KCTD9: variants seen among roughly 807,000 people sequenced by gnomAD.
KCTD9 encodes BTB/POZ domain-containing protein KCTD9.
A neutral mutation model predicts 53.3 loss-of-function variants in KCTD9; 17 were observed. The observed-to-expected ratio is 0.32, with a 90% CI of 0.22 to 0.48. The LOEUF is 0.48. Ranked by LOEUF, KCTD9 falls within the 20% of genes least tolerant of loss-of-function variation. The pLI, the probability that KCTD9 is intolerant of heterozygous loss-of-function variation, is 0.99. For synonymous variants in KCTD9, 128 were observed against 162.7 expected (o/e 0.79, Z 1.62); for missense variants, 179 against 465.5 (o/e 0.38, Z 5.66).
Position 25,444,243 on chromosome 8 carries a change from C to CTTTTTT in KCTD9, c.214+43_214+48dup, listed in dbSNP as rs57257880. On this transcript the variant is annotated intron_variant, in intron 3 of 11. Transcript: ENST00000221200. Reference sequence around the variant, plus strand: ...CCATTTAAAATAATTGTCATTCCATCTTTTTTTTTTTTTTTTGGCAGATAA... The same window carrying CTTTTTT: ...CCATTTAAAATAATTGTCATTCCATCTTTTTTTTTTTTTTTTTTTTTTGGCAGATAA... 166 of 964,214 alleles carry CTTTTTT rather than the reference C, an allele frequency of 1.7e-4. 1 individual carries two copies. The highest frequency in any genetic ancestry group is 5.7e-4 in the South Asian group (34 of 59,198). The allele number at this position is 964,214 out of a possible 1,614,324, so 59.7% of individuals were successfully genotyped here.
At chr8:25,435,554 CT>C in intron 8 of KCTD9, 42 bp from the exon 9 acceptor site, 1 of 1,545,266 alleles carries the variant, frequency 6.5e-7, no homozygotes, top group Non-Finnish European at 8.7e-7. Flanking sequence ...ACTAAATCGT[CT>C]GTTTGTATTA....
At chr8:25,443,746 A>G (rs1420687710) in intron 3 of KCTD9, among the ~76,000 whole-genome samples, 1 of 152,182 alleles carries the variant, frequency 6.6e-6, no homozygotes, top group East Asian at 1.9e-4. Context: ...GACTGTATGG[A>G]TCTAAATAAA....
chr8:25,451,997 T>C (rs1172032757), intron 1 of KCTD9, among the ~76,000 whole-genome samples: 3 of 152,148 alleles, frequency 2.0e-5, no homozygotes, highest in Non-Finnish European at 4.4e-5. Flanking sequence ...AAAAAATTAA[T>C]TTGCAAAAAG....
intron 6 of KCTD9, among the ~76,000 whole-genome samples, chr8:25,436,896 A>G (rs1802027684): frequency 6.6e-6 from 1 of 152,214 alleles, no homozygotes; most frequent in African/African-American, 2.4e-5. Context: ...GGGTTCCATT[A>G]TCTTTCAAAT....
intron 6 of KCTD9, 98 bp from the exon 7 acceptor site, chr8:25,436,583 C>T: frequency 4.2e-6 from 3 of 711,276 alleles, no homozygotes; most frequent in Non-Finnish European, 6.8e-6. Context: ...ATAATCTTAA[C>T]ATTTAATTGC....
rs1273761222 is a variant in KCTD9, at chr8:25,439,354, G to A, written c.424C>T (p.Pro142Ser). ...TTCAAAATGGGTTCGAAGTACTCAG[G>A]ACTTCGGTCAATTAAGAAAGCTCCT... ...HRGAFLIDRS[P>S]EYFEPILNYL... Residue 142 changes from proline (P) to serine (S), a missense_variant, in exon 6 of 12, where the codon CCT becomes TCT. This residue lies in a region of KCTD9 where 115 missense variants were observed against 250.9 expected (regional missense o/e 0.46). Coordinates refer to ENST00000221200, the MANE Select transcript of KCTD9 (RefSeq NM_017634.4). 1 of 1,612,762 alleles carries A rather than the reference G, an allele frequency of 6.2e-7. No homozygotes were observed. The highest frequency in any genetic ancestry group is 1.3e-5 in the African/African-American group (1 of 74,856).
At chr8:25,441,586 T>C (rs1802123257) in intron 3 of KCTD9, among the ~76,000 whole-genome samples, 1 of 151,632 alleles carries the variant, frequency 6.6e-6, no homozygotes, top group Admixed American at 6.6e-5. Context: ...CCAAGAGAAT[T>C]AGAAATAAAA....
rs775590502 is a variant in KCTD9 at position 25,458,253 on chromosome 8, G to A, written c.-7C>T. 3.0e-5 allele frequency: 49 copies of A among 1,608,612 alleles called. No individual in the cohort carries two copies. The highest frequency in any genetic ancestry group is 4.0e-5 in the African/African-American group (3 of 74,276). On this transcript the variant is annotated 5_prime_UTR_variant, in exon 1 of 12. Transcript: ENST00000221200. ...ACAGGGTCACCCGCCTCATCGCGCT[G>A]CCCCCGCTGGGTCCTGAGTGAGCCG...
intron 9 of KCTD9, 148 bp downstream of exon 9, chr8:25,435,215 C>A: frequency 3.9e-6 from 2 of 509,478 alleles, no homozygotes; most frequent in Non-Finnish European, 6.5e-6. Flanking sequence ...ACTTTCAGAC[C>A]TTTAGTCTTA....
intron 4 of KCTD9, chr8:25,439,877 T>A: frequency 2.1e-6 from 2 of 972,518 alleles, no homozygotes; most frequent in South Asian, 4.7e-5. Flanking sequence ...ATTGTTTTAG[T>A]TTCCTTTGCT....
At position 25,440,562 on chromosome 8, in the gene KCTD9, TACAC is replaced by T; in HGVS notation, c.311+11_311+14del. 6.5e-7 allele frequency: 1 copy of T among 1,530,576 alleles called. No homozygotes were observed. Among genetic ancestry groups the T allele is most frequent in the Non-Finnish European group, 9.1e-7 (1 of 1,104,706 alleles). The allele number at this position is 1,530,576 out of a possible 1,614,324, so 94.8% of individuals were successfully genotyped here. On this transcript the variant is annotated intron_variant, in intron 4 of 11. Transcript: ENST00000221200. ...TTTTGCATTCTCTTTCTAACACACA[TACAC>T]ACACACCTACCGTGTAGTTGTAAAG...
At chr8:25,454,660 A>C (rs990730741) in intron 1 of KCTD9, among the ~76,000 whole-genome samples, 3 of 152,158 alleles carry the variant, frequency 2.0e-5, no homozygotes, top group Admixed American at 1.3e-4. Flanking sequence ...AACAAAAAAA[A>C]CCCTCAAAAT....
chr8:25,454,088 T>A (rs1327547353), intron 1 of KCTD9, among the ~76,000 whole-genome samples: 1 of 152,222 alleles, frequency 6.6e-6, no homozygotes, highest in African/African-American at 2.4e-5. Flanking sequence ...GATCTCACTA[T>A]GTTGCCCAGG....
At chr8:25,432,456 T>C in intron 11 of KCTD9, 48 bp downstream of exon 11, 1 of 1,530,678 alleles carries the variant, frequency 6.5e-7, no homozygotes, top group Non-Finnish European at 8.9e-7. Flanking sequence ...CATGAGATGC[T>C]TAGTAAGTCT....
At chr8:25,436,720 G>C (rs1408102239) in intron 6 of KCTD9, among the ~76,000 whole-genome samples, 1 of 152,052 alleles carries the variant, frequency 6.6e-6, no homozygotes, top group African/African-American at 2.4e-5. Context: ...TCAGAAATCT[G>C]TCTTATAGGA....
At chr8:25,440,796 G>T in intron 3 of KCTD9, 123 bp from the exon 4 acceptor site, 1 of 674,722 alleles carries the variant, frequency 1.5e-6, no homozygotes, top group Non-Finnish European at 2.6e-6. Context: ...TACTAGGACA[G>T]CAATACCCAA....
intron 6 of KCTD9, among the ~76,000 whole-genome samples, chr8:25,438,506 TA>T (rs1044390739): frequency 6.6e-6 from 1 of 152,220 alleles, no homozygotes; most frequent in African/African-American, 2.4e-5. Flanking sequence ...AGGTTTTCTT[TA>T]AAAACCAAGG....
chr8:25,436,049 G>A (rs1802010143), intron 8 of KCTD9, among the ~76,000 whole-genome samples, 186 bp downstream of exon 8: 2 of 152,068 alleles, frequency 1.3e-5, no homozygotes, highest in Non-Finnish European at 2.9e-5. Context: ...AATTTAAAAA[G>A]GCTATTATTG....
chr8:25,457,443 T>G, intron 1 of KCTD9: 2 of 898,924 alleles, frequency 2.2e-6, no homozygotes, highest in Non-Finnish European at 2.7e-6. Context: ...GAATTCGTTT[T>G]GGCTTGCTCC....
Sources: gnomAD v4.1 joint callset for allele counts (sites outside exome capture counted in the v4.1 genomes callset) on GRCh38, gnomAD v4.1.1 for gene constraint, gnomAD v4.1.1 regional missense constraint, MANE v1.5 for transcripts, NCBI Gene and HGNC (gene_info 2026-07-23, HGNC 2026-07-21) for gene names.